Variants in KHK observed in about 807,000 individuals in gnomAD.
KHK encodes the protein fructokinase.
Under a neutral mutation model 36.0 loss-of-function variants are expected in KHK, and 37 were observed. The ratio of observed to expected loss-of-function variants is 1.03; its 90% CI spans 0.79 to 1.35. The LOEUF (loss-of-function observed/expected upper bound fraction) is 1.35, where lower values mean the gene tolerates loss of function less well. Among genes scored for constraint, KHK ranks in the 40% most tolerant of loss-of-function variants. KHK has a pLI of 0.00. For synonymous variants in KHK, 161 were observed against 162.8 expected, an observed-to-expected ratio of 0.99 and a Z score of 0.08; for missense variants, 395 against 391.9, an observed-to-expected ratio of 1.01 and a Z score of -0.07.
rs202153228 is a variant in KHK at position 27,094,555 on chromosome 2, C to G, written c.210-245C>G. The G allele has an allele frequency of 1.9e-6, 3 of 1,614,148 alleles. No individual in the cohort carries two copies. In the East Asian group the frequency reaches 6.7e-5, roughly 36 times the overall value. On this transcript the variant is annotated intron_variant, in intron 2 of 7. Coordinates refer to ENST00000260598, the MANE Select transcript of KHK (RefSeq NM_006488.3). Reference sequence around the variant, plus strand: ...TTCAGACCACAGGCTCCGTCCCCATCGCCACGGTCATCATCAACGAGGCCA... The same window carrying G: ...TTCAGACCACAGGCTCCGTCCCCATGGCCACGGTCATCATCAACGAGGCCA...
At position 27,099,508 on chromosome 2, in the gene KHK, C is replaced by T; in HGVS notation, c.742C>T (p.Pro248Ser). The T allele has an allele frequency of 6.2e-7, 1 of 1,614,140 alleles. No homozygotes were observed. The highest frequency in any genetic ancestry group is 8.5e-7 in the Non-Finnish European group (1 of 1,180,018). The change falls in exon 7 of 8, where the codon CCC becomes TCC. Residue 248 changes from proline to serine, a missense_variant. Coordinates refer to ENST00000260598, the MANE Select transcript of KHK (RefSeq NM_006488.3). ...KLLHSDAFPPPRVVDTLGAGD... is the reference protein window; with the variant it reads ...KLLHSDAFPPSRVVDTLGAGD... ...GCTCCACTCGGATGCTTTCCCGCCACCCCGCGTGGTGGATACACTGGGAGC... is the reference window on the plus strand; with the variant it reads ...GCTCCACTCGGATGCTTTCCCGCCATCCCGCGTGGTGGATACACTGGGAGC...
At chr2:27,099,072 A>C in intron 5 of KHK, 124 bp from the exon 6 acceptor site, 2 of 864,114 alleles carry the variant, frequency 2.3e-6, no homozygotes, top group Non-Finnish European at 4.0e-6. Flanking sequence ...GGACAGTGAG[A>C]TGCTACGTTG....
chr2:27,098,508 G>A (rs1670548412), intron 5 of KHK, among the ~76,000 whole-genome samples: 1 of 152,070 alleles, frequency 6.6e-6, no homozygotes, highest in African/African-American at 2.4e-5. Flanking sequence ...TGGCATGGTG[G>A]TGTGCACCCA....
At chr2:27,094,375 G>A in intron 2 of KHK, 1 of 1,404,688 alleles carries the variant, frequency 7.1e-7, no homozygotes, top group Non-Finnish European at 1.0e-6. Context: ...CCCTTTGCTT[G>A]CACCCCTGCC....
chr2:27,089,849 G>T (rs1455751689), intron 1 of KHK, among the ~76,000 whole-genome samples: 1 of 152,196 alleles, frequency 6.6e-6, no homozygotes, highest in Non-Finnish European at 1.5e-5. Context: ...CCCCTGGGAC[G>T]TGTCCTTTTT....
chr2:27,094,689 G>A (rs1388169344), intron 2 of KHK, 111 bp from the exon 3 acceptor site: 6 of 1,613,240 alleles, frequency 3.7e-6, no homozygotes, highest in Non-Finnish European at 5.1e-6. Context: ...TCTTCTCTTA[G>A]AGGCTCGTGT....
At chr2:27,094,553 A>G in intron 2 of KHK, 2 of 1,614,126 alleles carry the variant, frequency 1.2e-6, no homozygotes, top group South Asian at 1.1e-5. Context: ...CTCCGTCCCC[A>G]TCGCCACGGT....
chr2:27,095,024 C>T (rs147741202), intron 3 of KHK, 90 bp downstream of exon 3: 11 of 1,461,796 alleles, frequency 7.5e-6, no homozygotes, highest in Non-Finnish European at 9.5e-6. Context: ...TCCCAACTGC[C>T]CCCCTCTGTG....
chr2:27,094,452 C>A, intron 2 of KHK: 2 of 1,612,056 alleles, frequency 1.2e-6, no homozygotes, highest in African/African-American at 2.7e-5. Context: ...AACTGCACCC[C>A]CTTCGGGTTA....
In KHK at chr2:27,099,303, G is replaced by A; in HGVS notation, c.653+19G>A. ...GGAAAGGGTGAGCCGGGGAAGCCAGGAAGGGGCTTTAGAAGGTACAGGATG... is the reference window on the plus strand; with the variant it reads ...GGAAAGGGTGAGCCGGGGAAGCCAGAAAGGGGCTTTAGAAGGTACAGGATG... On this transcript the variant is annotated intron_variant, in intron 6 of 7. Transcript: ENST00000260598. The A allele has an allele frequency of 6.2e-7, 1 of 1,613,908 alleles. No individual in the cohort carries two copies. Among genetic ancestry groups the A allele is most frequent in the African/African-American group, 1.3e-5 (1 of 75,040 alleles).
At chr2:27,094,148 G>C (rs1327907999) in intron 2 of KHK, 1 of 415,576 alleles carries the variant, frequency 2.4e-6, no homozygotes, top group Non-Finnish European at 4.5e-6. Context: ...ACAGTGTACA[G>C]GTTCTAGGGT....
chr2:27,099,184 C>T lies in KHK; in HGVS notation c.565-12C>T. 6.2e-7 allele frequency: 1 copy of T among 1,613,944 alleles called. No homozygotes were observed. Among genetic ancestry groups the T allele is most frequent in the African/African-American group, 1.3e-5 (1 of 75,038 alleles). Reference sequence around the variant, plus strand: ...TAGAAGTGACCACCAGCTTCTCTTCCACTGCCCACAGGTGTTTGTCAGCAA... The same window carrying T: ...TAGAAGTGACCACCAGCTTCTCTTCTACTGCCCACAGGTGTTTGTCAGCAA... On this transcript the variant is annotated splice_polypyrimidine_tract_variant and intron_variant, in intron 5 of 7. Transcript: ENST00000260598.
At chr2:27,091,477 G>A (rs1056874229) in intron 1 of KHK, among the ~76,000 whole-genome samples, 1 of 152,010 alleles carries the variant, frequency 6.6e-6, no homozygotes, top group Non-Finnish European at 1.5e-5. Context: ...TAAAAATTCT[G>A]GTTCGGTTTT....
At chr2:27,098,833 G>A in intron 5 of KHK, 1 of 259,256 alleles carries the variant, frequency 3.9e-6, no homozygotes, top group South Asian at 4.2e-5. Context: ...CCATTGATCA[G>A]AGAACAAACG....
intron 2 of KHK, 193 bp from the exon 3 acceptor site, chr2:27,094,607 G>T (rs1469729597): frequency 1.2e-6 from 2 of 1,613,996 alleles, no homozygotes; most frequent in Non-Finnish European, 8.5e-7. Flanking sequence ...CCTATACTAT[G>T]ACAGGTTTGT....
At chr2:27,097,709 C>T in intron 5 of KHK, 60 bp downstream of exon 5, 1 of 1,604,056 alleles carries the variant, frequency 6.2e-7, no homozygotes, top group Non-Finnish European at 8.5e-7. Context: ...TTAAAGGGAG[C>T]CAGAATCCTT....
In KHK at chr2:27,087,226, A is replaced by G; in HGVS notation, c.-34A>G. The G allele has an allele frequency of 6.5e-7, 1 of 1,542,358 alleles. No individual in the cohort carries two copies. Among genetic ancestry groups the G allele is most frequent in the Non-Finnish European group, 8.8e-7 (1 of 1,135,354 alleles). On this transcript the variant is annotated 5_prime_UTR_variant, in exon 1 of 8. Transcript: ENST00000260598. ...GGCAGAGGCCGGGAGGAACCCCGTCAGCCGGGCGGGCAGGAAGCTCTGGGA... is the reference window on the plus strand; with the variant it reads ...GGCAGAGGCCGGGAGGAACCCCGTCGGCCGGGCGGGCAGGAAGCTCTGGGA...
In KHK at chr2:27,094,916, C is replaced by T. The variant is rs370901888; in HGVS notation, c.326C>T (p.Thr109Ile). ...CIINNSNGNR[T>I]IVLHDTSLPD... is the part of the protein sequence containing the mutation. The stretch of plus-strand genomic sequence containing the variant: ...ATCAACAACTCCAATGGCAACCGTA[C>T]CATTGTGCTCCATGACACGTAAGGC... Residue 109 changes from threonine (T) to isoleucine (I), a missense_variant, in exon 3 of 8, where the codon ACC becomes ATC. Coordinates refer to ENST00000260598, the MANE Select transcript of KHK (RefSeq NM_006488.3). 208 of 1,613,878 alleles carry T rather than the reference C, an allele frequency of 1.3e-4. 1 individual carries two copies. The highest frequency in any genetic ancestry group is 9.5e-4 in the Admixed American group (57 of 60,018).
At chr2:27,097,390 C>A (rs888706258) in intron 4 of KHK, 113 bp from the exon 5 acceptor site, 1 of 1,410,892 alleles carries the variant, frequency 7.1e-7, no homozygotes. Flanking sequence ...GGTTCTAGCC[C>A]AGCCTCCCCG....
Sources: gnomAD v4.1 joint callset for allele counts (sites outside exome capture counted in the v4.1 genomes callset) on GRCh38, gnomAD v4.1.1 for gene constraint, MANE v1.5 for transcripts, NCBI Gene and HGNC (gene_info 2026-07-23, HGNC 2026-07-21) for gene names.